The following OPRD1 variants were observed in gnomAD, a reference collection of about 807,000 sequenced individuals.
OPRD1 encodes opioid receptor delta 1.
OPRD1 carries 19 observed loss-of-function variants against 17.5 expected under a neutral mutation model. That is an observed-to-expected ratio of 1.09 (90% confidence interval 0.76 to 1.60). The LOEUF is 1.60. Ranked by LOEUF, OPRD1 falls within the 40% of genes most tolerant of loss-of-function variation. The pLI is 0.00. For synonymous variants in OPRD1, 256 were observed against 240.9 expected (o/e 1.06, Z -0.58); for missense variants, 483 against 547.2 (o/e 0.88, Z 1.17).
At chr1:28,847,028 C>T (rs540058308) in intron 1 of OPRD1, among the ~76,000 whole-genome samples, 1 of 149,568 alleles carries the variant, frequency 6.7e-6, no homozygotes, top group Non-Finnish European at 1.5e-5. Context: ...TGTCCCCTTT[C>T]CTGTCCCCTT....
chr1:28,847,685 T>C (rs989789767), intron 1 of OPRD1, among the ~76,000 whole-genome samples: 1 of 151,914 alleles, frequency 6.6e-6, no homozygotes, highest in Non-Finnish European at 1.5e-5. Context: ...AATTTAAAAA[T>C]TAGCCAGGTG....
chr1:28,831,360 T>G (rs916597870), intron 1 of OPRD1, among the ~76,000 whole-genome samples: 1 of 152,066 alleles, frequency 6.6e-6, no homozygotes, highest in Non-Finnish European at 1.5e-5. Context: ...AATACAAAAA[T>G]TAGCCGGGCG....
rs917441072 is a variant in OPRD1, at chr1:28,864,374, T to G, written c.*1091T>G. ...TTTCCTTGGAATGGGCAGGAATCCC[T>G]CAGAATCGGTGGCCACAGTGGGGCT... On this transcript the variant is annotated 3_prime_UTR_variant, in exon 3 of 3. Transcript: ENST00000234961. 2.6e-5 allele frequency: 4 copies of G among 152,556 alleles called. No individual in the cohort carries two copies. The highest frequency in any genetic ancestry group is 9.7e-5 in the African/African-American group (4 of 41,404). The allele number at this position is 152,556 out of a possible 1,614,324, so 9.5% of individuals were successfully genotyped here.
chr1:28,844,736 G>A (rs2088925063), intron 1 of OPRD1, among the ~76,000 whole-genome samples: 1 of 151,924 alleles, frequency 6.6e-6, no homozygotes, highest in Admixed American at 6.6e-5. Context: ...TGTTGACAGT[G>A]TCATTTGTTT....
At position 28,859,260 on chromosome 1, in the gene OPRD1, C is replaced by T. The variant is rs764602798; in HGVS notation, c.534C>T (p.Gly178=). The change falls in exon 2 of 3, where the codon GGC becomes GGT. Residue 178 remains glycine, a synonymous_variant. Coordinates refer to ENST00000234961, the MANE Select transcript of OPRD1 (RefSeq NM_000911.4). ...INICIWVLAS[G]VGVPIMVMAV... ...TCTGTATCTGGGTCCTGGCCTCAGG[C>T]GTTGGCGTGCCCATCATGGTCATGG... 4 of 1,614,032 alleles carry T rather than the reference C, an allele frequency of 2.5e-6. No individual in the cohort carries two copies. Among genetic ancestry groups the T allele is most frequent in the East Asian group, 2.2e-5 (1 of 44,898 alleles).
chr1:28,834,707 C>T (rs191647240), intron 1 of OPRD1, among the ~76,000 whole-genome samples: 53 of 152,196 alleles, frequency 3.5e-4, no homozygotes, highest in Non-Finnish European at 6.3e-4. Flanking sequence ...CCAGATGGCA[C>T]TTTGTTAACG....
At chr1:28,842,763 T>C (rs2088905498) in intron 1 of OPRD1, among the ~76,000 whole-genome samples, 1 of 151,998 alleles carries the variant, frequency 6.6e-6, no homozygotes, top group African/African-American at 2.4e-5. Flanking sequence ...AGGGTGATGA[T>C]TAAACCCTAA....
chr1:28,829,700 C>T lies in OPRD1; in HGVS notation c.227+17090C>T, dbSNP rs193091828. 6.1e-5 allele frequency among the ~76,000 whole-genome samples: 9 copies of T among 147,928 alleles called. No homozygotes were observed. In the East Asian group the frequency reaches 6.2e-4, roughly 10 times the overall value. ...ATTTTGATCTACAGTGCAAGACATG[C>T]GACCCTTTCATTTTCTTTTTATCTT... On this transcript the variant is annotated intron_variant, in intron 1 of 2. Coordinates refer to ENST00000234961, the MANE Select transcript of OPRD1 (RefSeq NM_000911.4).
At chr1:28,831,190 C>T (rs1354030092) in intron 1 of OPRD1, among the ~76,000 whole-genome samples, 1 of 152,210 alleles carries the variant, frequency 6.6e-6, no homozygotes, top group East Asian at 1.9e-4. Flanking sequence ...ACACTCCTTC[C>T]ACCTGCCTAG....
chr1:28,838,482 C>T (rs2088871525), intron 1 of OPRD1, among the ~76,000 whole-genome samples: 1 of 152,106 alleles, frequency 6.6e-6, no homozygotes, highest in Admixed American at 6.6e-5. Flanking sequence ...GAGGTTTGAA[C>T]CCATTGTTAC....
chr1:28,814,179 C>T (rs928613730), intron 1 of OPRD1, among the ~76,000 whole-genome samples: 1 of 152,090 alleles, frequency 6.6e-6, no homozygotes, highest in African/African-American at 2.4e-5. Context: ...CTCCCCACTT[C>T]GCAGGCTTCG....
chr1:28,862,630 G>C (rs1490166807), intron 2 of OPRD1, 112 bp from the exon 3 acceptor site: 1 of 951,744 alleles, frequency 1.1e-6, no homozygotes, highest in East Asian at 2.6e-5. Context: ...ACAAAGGCTG[G>C]GAGGAGGTGG....
intron 1 of OPRD1, among the ~76,000 whole-genome samples, chr1:28,845,805 T>TA (rs1323480728): frequency 6.6e-6 from 1 of 151,976 alleles, no homozygotes; most frequent in Non-Finnish European, 1.5e-5. Context: ...GAAAAAAAAA[T>TA]TAGAGAACAA....
At chr1:28,843,138 G>C (rs2088908724) in intron 1 of OPRD1, among the ~76,000 whole-genome samples, 1 of 152,132 alleles carries the variant, frequency 6.6e-6, no homozygotes, top group Non-Finnish European at 1.5e-5. Flanking sequence ...AAGGTGAAGT[G>C]ACTTGCTCAA....
At position 28,824,266 on chromosome 1, in the gene OPRD1, C is replaced by G. The variant is rs148979539; in HGVS notation, c.227+11656C>G. ...TCCCCTGCAGAAATGAGCTTGTTAC[C>G]AAGGCATAGAACTGTGACTCATGGA... On this transcript the variant is annotated intron_variant, in intron 1 of 2. Coordinates refer to ENST00000234961, the MANE Select transcript of OPRD1 (RefSeq NM_000911.4). 1.9e-3 allele frequency among the ~76,000 whole-genome samples: 280 copies of G among 149,660 alleles called. 1 individual carries two copies. Among genetic ancestry groups the G allele is most frequent in the African/African-American group, 6.6e-3 (270 of 41,036 alleles).
chr1:28,837,761 T>C (rs1278748527), intron 1 of OPRD1, among the ~76,000 whole-genome samples: 1 of 150,852 alleles, frequency 6.6e-6, no homozygotes, highest in Non-Finnish European at 1.5e-5. Flanking sequence ...TGGACTCAAG[T>C]GATCCTCCTA....
intron 1 of OPRD1, among the ~76,000 whole-genome samples, chr1:28,847,416 C>T (rs1185749589): frequency 2.0e-5 from 3 of 152,110 alleles, no homozygotes; most frequent in African/African-American, 7.2e-5. Flanking sequence ...AGAGGTCCAG[C>T]CCAAATTGAC....
intron 1 of OPRD1, among the ~76,000 whole-genome samples, chr1:28,844,800 A>G (rs1479354542): frequency 6.6e-6 from 1 of 151,994 alleles, no homozygotes; most frequent in Non-Finnish European, 1.5e-5. Flanking sequence ...ACTGGAGTGC[A>G]GTGGCACAAT....
At chr1:28,820,960 A>C (rs2088708566) in intron 1 of OPRD1, among the ~76,000 whole-genome samples, 1 of 152,058 alleles carries the variant, frequency 6.6e-6, no homozygotes, top group Admixed American at 6.6e-5. Context: ...TAACAAACTT[A>C]TTTCAGAAAA....
Sources: allele counts gnomAD v4.1 joint callset (sites outside exome capture counted in the v4.1 genomes callset), GRCh38; gene constraint gnomAD v4.1.1; transcripts MANE v1.5; gene names NCBI Gene and HGNC (gene_info 2026-07-23, HGNC 2026-07-21).